The following KALRN variants were observed in gnomAD, a reference collection of about 807,000 sequenced individuals.
KALRN encodes the protein kalirin.
KALRN carries 70 observed loss-of-function variants against 353.7 expected under a neutral mutation model. The observed-to-expected ratio is 0.20, with a 90% CI of 0.16 to 0.24. The LOEUF (loss-of-function observed/expected upper bound fraction) is 0.24, where lower values mean the gene tolerates loss of function less well. KALRN is among the 10% of genes least tolerant of loss of function. The pLI is 1.00. For synonymous variants in KALRN, 1,391 were observed against 1,434.8 expected, an observed-to-expected ratio of 0.97 and a Z score of 0.69; for missense variants, 2,791 against 3,756.7, an observed-to-expected ratio of 0.74 and a Z score of 6.72.
intron 33 of KALRN, among the ~76,000 whole-genome samples, chr3:124,521,073 GA>G (rs2067124166): frequency 6.6e-6 from 1 of 152,202 alleles, no homozygotes; most frequent in Non-Finnish European, 1.5e-5. Context: ...TCGGGGTGCA[GA>G]CCAGTGTCCT....
intron 1 of KALRN, chr3:124,152,564 TTTC>T: frequency 1.6e-6 from 1 of 635,666 alleles, no homozygotes; most frequent in Admixed American, 3.0e-5. Flanking sequence ...TTTCTTTTCT[TTTC>T]TTTTCTTTTC....
chr3:124,120,738 A>ATG (rs1261371748), intron 1 of KALRN, among the ~76,000 whole-genome samples: 4 of 144,444 alleles, frequency 2.8e-5, no homozygotes, highest in Admixed American at 1.4e-4. Flanking sequence ...ATATATATAT[A>ATG]TATATATTTT....
At chr3:124,560,578 T>C (rs1246004795) in intron 33 of KALRN, among the ~76,000 whole-genome samples, 1 of 152,208 alleles carries the variant, frequency 6.6e-6, no homozygotes, top group African/African-American at 2.4e-5. Context: ...ATATGAAGTG[T>C]ATTTCTTACA....
At chr3:124,651,549 G>C (rs549494964) in intron 38 of KALRN, among the ~76,000 whole-genome samples, 1 of 151,902 alleles carries the variant, frequency 6.6e-6, no homozygotes, top group African/African-American at 2.4e-5. Flanking sequence ...AAGTCAATCT[G>C]TTATTTGAGT....
intron 15 of KALRN, among the ~76,000 whole-genome samples, chr3:124,428,077 T>A (rs989784224): frequency 2.0e-5 from 3 of 152,206 alleles, no homozygotes; most frequent in African/African-American, 7.2e-5. Flanking sequence ...TTAATTATGA[T>A]GTTTCTTAAC....
chr3:124,457,561 C>T (rs986897011), intron 23 of KALRN, among the ~76,000 whole-genome samples: 1 of 152,096 alleles, frequency 6.6e-6, no homozygotes, highest in Admixed American at 6.5e-5. Flanking sequence ...CTGCCACCAG[C>T]ACCTACACTT....
intron 4 of KALRN, 92 bp downstream of exon 4, chr3:124,264,782 G>T: frequency 9.1e-7 from 1 of 1,099,466 alleles, no homozygotes; most frequent in Non-Finnish European, 1.3e-6. Context: ...CTACCATACA[G>T]TATGTGACAC....
intron 1 of KALRN, among the ~76,000 whole-genome samples, chr3:124,088,656 C>A (rs2060948478): frequency 6.6e-6 from 1 of 152,124 alleles, no homozygotes; most frequent in Admixed American, 6.6e-5. Flanking sequence ...TGGGATTAGT[C>A]TTATCTCCAT....
At chr3:124,225,007 C>T (rs888439251) in intron 1 of KALRN, among the ~76,000 whole-genome samples, 7 of 152,114 alleles carry the variant, frequency 4.6e-5, no homozygotes, top group Non-Finnish European at 7.4e-5. Flanking sequence ...GAACATTTAC[C>T]GTGAGTCTAC....
chr3:124,121,984 G>A (rs2064081064), intron 1 of KALRN, among the ~76,000 whole-genome samples: 1 of 152,190 alleles, frequency 6.6e-6, no homozygotes, highest in Non-Finnish European at 1.5e-5. Flanking sequence ...TCTCCCAGGT[G>A]CTCTCTGTTG....
intron 1 of KALRN, among the ~76,000 whole-genome samples, chr3:124,078,706 A>T (rs1165654087): frequency 6.6e-6 from 1 of 152,238 alleles, no homozygotes; most frequent in Admixed American, 6.5e-5. Context: ...ACTCAGGTAC[A>T]TAGTAAAATT....
intron 9 of KALRN, among the ~76,000 whole-genome samples, chr3:124,339,508 G>A (rs1196608078): frequency 1.3e-5 from 2 of 152,206 alleles, no homozygotes; most frequent in Non-Finnish European, 2.9e-5. Context: ...GGCATTTCAA[G>A]TGGTGCCTGC....
chr3:124,245,183 A>C (rs2080975828), intron 3 of KALRN, among the ~76,000 whole-genome samples: 1 of 152,100 alleles, frequency 6.6e-6, no homozygotes, highest in African/African-American at 2.4e-5. Context: ...CATTGTATTT[A>C]CTACCTGTGT....
At chr3:124,579,883 G>A (rs568549556) in intron 34 of KALRN, among the ~76,000 whole-genome samples, 2 of 152,252 alleles carry the variant, frequency 1.3e-5, no homozygotes, top group East Asian at 3.9e-4. Context: ...TGGCTGCCTG[G>A]CCACACCCAG....
intron 27 of KALRN, among the ~76,000 whole-genome samples, chr3:124,480,710 C>T (rs1311911004): frequency 2.0e-5 from 3 of 152,190 alleles, no homozygotes; most frequent in Admixed American, 2.0e-4. Context: ...CAGCTCTCCA[C>T]CACAAACCCC....
At chr3:124,534,221 A>G (rs909201000) in intron 33 of KALRN, among the ~76,000 whole-genome samples, 5 of 152,208 alleles carry the variant, frequency 3.3e-5, no homozygotes, top group Admixed American at 3.3e-4. Context: ...ATATTAAGTA[A>G]AAACAGGGAA....
At chr3:124,657,938 G>T in intron 41 of KALRN, 135 bp downstream of exon 41, 1 of 675,196 alleles carries the variant, frequency 1.5e-6, no homozygotes. Flanking sequence ...AGGGTGGCTT[G>T]ACCCCAGGAA....
chr3:124,497,259 C>G (rs548538), intron 33 of KALRN, among the ~76,000 whole-genome samples: 145,420 of 152,302 alleles, frequency 0.95, 69,795 homozygotes, highest in East Asian at 1. Context: ...TTTGTTGCCT[C>G]TTAGTGATCT....
At chr3:124,149,083 A>C (rs1408025358) in intron 1 of KALRN, among the ~76,000 whole-genome samples, 1 of 152,248 alleles carries the variant, frequency 6.6e-6, no homozygotes, top group Admixed American at 6.5e-5. Flanking sequence ...TGGGGCACAC[A>C]TTGAGTGAAA....
Sources: gnomAD v4.1 joint callset for allele counts (sites outside exome capture counted in the v4.1 genomes callset) on GRCh38, gnomAD v4.1.1 for gene constraint, MANE v1.5 for transcripts, NCBI Gene and HGNC (gene_info 2026-07-23, HGNC 2026-07-21) for gene names.